SMC5: variants seen among roughly 807,000 people sequenced by gnomAD.
SMC5 encodes structural maintenance of chromosomes 5.
Under a neutral mutation model 148.3 loss-of-function variants are expected in SMC5, and 88 were observed. The observed-to-expected ratio is 0.59, with a 90% confidence interval of 0.50 to 0.71. SMC5 has a LOEUF of 0.71. Among genes scored for constraint, SMC5 ranks in the 30% least tolerant of loss-of-function variants. The probability of loss-of-function intolerance (pLI) is 0.00; values close to 1 mark genes in which losing one functional copy is unlikely to be tolerated. For synonymous variants in SMC5, 421 were observed against 432.8 expected (o/e 0.97, Z 0.34); for missense variants, 1,142 against 1,298.9 (o/e 0.88, Z 1.86).
chr9:70,301,452 C>G (rs1587664230), intron 10 of SMC5, among the ~76,000 whole-genome samples: 1 of 152,190 alleles, frequency 6.6e-6, no homozygotes. Context: ...TTCCTACATT[C>G]ACATCTTCCA....
At chr9:70,260,540 T>A (rs2034090051) in intron 1 of SMC5, among the ~76,000 whole-genome samples, 1 of 152,106 alleles carries the variant, frequency 6.6e-6, no homozygotes. Flanking sequence ...AACAACTCTA[T>A]CTTGATAATT....
chr9:70,277,257 A>G, intron 3 of SMC5, 53 bp from the exon 4 acceptor site: 1 of 1,234,542 alleles, frequency 8.1e-7, no homozygotes, highest in Non-Finnish European at 1.1e-6. Context: ...TTTTATTTCT[A>G]AACTAATGTA....
chr9:70,281,071 T>C (rs886573681), intron 6 of SMC5, among the ~76,000 whole-genome samples, 172 bp downstream of exon 6: 2 of 152,074 alleles, frequency 1.3e-5, no homozygotes, highest in African/African-American at 4.8e-5. Context: ...GGAGTCTTGC[T>C]GTGTCTCCCA....
At chr9:70,285,452 A>G (rs1003125358) in intron 7 of SMC5, among the ~76,000 whole-genome samples, 4 of 152,246 alleles carry the variant, frequency 2.6e-5, no homozygotes, top group Non-Finnish European at 5.9e-5. Context: ...TAGGCCTTCT[A>G]GCAGCATGTT....
intron 16 of SMC5, 73 bp downstream of exon 16, chr9:70,323,679 G>A: frequency 1.4e-6 from 2 of 1,474,802 alleles, no homozygotes; most frequent in Non-Finnish European, 1.8e-6. Context: ...AATCTTTAGA[G>A]GGAGGGAAGG....
At chr9:70,303,951 C>G (rs1447041366) in intron 10 of SMC5, among the ~76,000 whole-genome samples, 1 of 152,138 alleles carries the variant, frequency 6.6e-6, no homozygotes, top group Non-Finnish European at 1.5e-5. Flanking sequence ...GGAGTTTTAT[C>G]ATGCTCTACT....
chr9:70,262,343 G>C (rs2034161017), intron 1 of SMC5, among the ~76,000 whole-genome samples: 1 of 152,164 alleles, frequency 6.6e-6, no homozygotes, highest in Non-Finnish European at 1.5e-5. Context: ...AGAAAAAGAT[G>C]AAACTCGGCT....
At chr9:70,261,747 A>T (rs1236068391) in intron 1 of SMC5, among the ~76,000 whole-genome samples, 1 of 152,248 alleles carries the variant, frequency 6.6e-6, no homozygotes, top group African/African-American at 2.4e-5. Flanking sequence ...TCTTGGGAGA[A>T]TGCCTACATT....
intron 17 of SMC5, among the ~76,000 whole-genome samples, chr9:70,331,046 A>G (rs921565424): frequency 3.9e-5 from 6 of 152,166 alleles, no homozygotes; most frequent in Non-Finnish European, 7.3e-5. Context: ...CAGATAGTAA[A>G]TTTTCATCAG....
At chr9:70,324,778 TAAAAC>T (rs1309112286) in intron 17 of SMC5, among the ~76,000 whole-genome samples, 12 of 152,278 alleles carry the variant, frequency 7.9e-5, no homozygotes, top group Middle Eastern at 3.4e-3. Context: ...AATAATTTGA[TAAAAC>T]AACTCAGAAT....
chr9:70,346,693 C>T (rs2036674698), intron 19 of SMC5, 44 bp downstream of exon 19: 1 of 1,602,846 alleles, frequency 6.2e-7, no homozygotes, highest in Non-Finnish European at 8.5e-7. Flanking sequence ...TGTTTTCCCT[C>T]TGCCTTGCTC....
At chr9:70,305,736 A>G (rs746311597) in intron 11 of SMC5, among the ~76,000 whole-genome samples, 18 of 152,324 alleles carry the variant, frequency 1.2e-4, no homozygotes, top group Non-Finnish European at 1.8e-4. Flanking sequence ...AAATCAGTAC[A>G]CTGTTGCTTA....
intron 7 of SMC5, among the ~76,000 whole-genome samples, chr9:70,283,589 A>G (rs1312701799): frequency 1.3e-5 from 2 of 152,208 alleles, no homozygotes; most frequent in Admixed American, 1.3e-4. Context: ...TATGCTATAT[A>G]TAGGTAATTT....
chr9:70,259,149 C>A lies in SMC5; in HGVS notation c.71C>A (p.Pro24His), dbSNP rs1322299354. ...QPSKRALPRD[P>H]SSEVPSKRKN... ...TCCAAGAGAGCTCTCCCGAGAGACC[C>A]TTCGTCGGAGGTCCCGAGCAAGAGG... Residue 24 changes from proline to histidine, a missense_variant, in exon 1 of 25, where the codon CCT becomes CAT. Coordinates refer to ENST00000361138, the MANE Select transcript of SMC5 (RefSeq NM_015110.4). 3.7e-6 allele frequency: 6 copies of A among 1,612,624 alleles called. No individual in the cohort carries two copies. In the African/African-American group the frequency reaches 8.0e-5, roughly 22 times the overall value.
chr9:70,275,958 G>C (rs2034581968), intron 3 of SMC5, among the ~76,000 whole-genome samples: 1 of 152,108 alleles, frequency 6.6e-6, no homozygotes, highest in African/African-American at 2.4e-5. Flanking sequence ...TCTGCATTAT[G>C]TTATTTCCGC....
chr9:70,298,977 A>C (rs983044449), intron 9 of SMC5, among the ~76,000 whole-genome samples: 3 of 151,728 alleles, frequency 2.0e-5, no homozygotes, highest in Admixed American at 2.0e-4. Context: ...AATTCTTCAA[A>C]TGGGATTATT....
chr9:70,285,056 T>C (rs2034859097), intron 7 of SMC5, among the ~76,000 whole-genome samples: 1 of 152,182 alleles, frequency 6.6e-6, no homozygotes, highest in South Asian at 2.1e-4. Context: ...ACAATAATAG[T>C]AATCTTTATC....
chr9:70,350,079 A>G (rs2036768691), intron 22 of SMC5, 35 bp from the exon 23 acceptor site: 1 of 1,473,594 alleles, frequency 6.8e-7, no homozygotes, highest in East Asian at 2.3e-5. Context: ...TACCAGAGGA[A>G]ACTCATTTTT....
In SMC5 at chr9:70,352,183, A is replaced by C; in HGVS notation, c.3166-8A>C. 6.2e-6 allele frequency: 10 copies of C among 1,604,004 alleles called. No homozygotes were observed. The highest frequency in any genetic ancestry group is 8.5e-6 in the Non-Finnish European group (10 of 1,176,478). On this transcript the variant is annotated splice_region_variant and splice_polypyrimidine_tract_variant and intron_variant, in intron 24 of 24. Coordinates refer to ENST00000361138, the MANE Select transcript of SMC5 (RefSeq NM_015110.4). ...AGCTTATATGACAATTTGTTTTAAT[A>C]CTTACAGCTCCTGCAAAATCTTCCT...
Sources: allele counts gnomAD v4.1 joint callset (sites outside exome capture counted in the v4.1 genomes callset), GRCh38; gene constraint gnomAD v4.1.1; transcripts MANE v1.5; gene names NCBI Gene and HGNC (gene_info 2026-07-23, HGNC 2026-07-21).